FAM117B: variants seen among roughly 807,000 people sequenced by gnomAD.
FAM117B encodes family with sequence similarity 117 member B, also known as protein FAM117B.
FAM117B carries 22 observed loss-of-function variants against 52.8 expected under a neutral mutation model. The ratio of observed to expected loss-of-function variants is 0.42; its 90% confidence interval spans 0.30 to 0.59. FAM117B has a LOEUF of 0.59. FAM117B is among the 20% of genes least tolerant of loss of function. The pLI is 0.22. For synonymous variants in FAM117B, 309 were observed against 324.1 expected, an observed-to-expected ratio of 0.95 and a Z score of 0.50; for missense variants, 678 against 802.6, an observed-to-expected ratio of 0.84 and a Z score of 1.88.
At chr2:202,734,993 T>C (rs140905767) in intron 4 of FAM117B, among the ~76,000 whole-genome samples, 321 of 152,340 alleles carry the variant, frequency 2.1e-3, no homozygotes, top group African/African-American at 7.3e-3. Flanking sequence ...CCCCTATTGC[T>C]GACATTTTTT....
rs903842277 is a variant in FAM117B, at chr2:202,698,560, C to T, written c.753+2528C>T. ...GTTTCAGCCTCCCAAGTAGCTGGGA[C>T]TACAAGCGCACGCCACCACGCCTGG... On this transcript the variant is annotated intron_variant, in intron 2 of 7. Coordinates refer to ENST00000392238, the MANE Select transcript of FAM117B (RefSeq NM_173511.4). Among the ~76,000 whole-genome samples the T allele has an allele frequency of 3.3e-5, 5 of 152,152 alleles. No homozygotes were observed. The South Asian group carries it at 1.0e-3, about 32-fold the overall frequency.
intron 4 of FAM117B, among the ~76,000 whole-genome samples, chr2:202,730,508 A>G (rs1485742786): frequency 6.6e-6 from 1 of 152,054 alleles, no homozygotes; most frequent in Non-Finnish European, 1.5e-5. Flanking sequence ...CCTCTCTACT[A>G]AAAACACAAA....
chr2:202,665,961 A>T (rs1690199658), intron 1 of FAM117B, among the ~76,000 whole-genome samples: 1 of 152,254 alleles, frequency 6.6e-6, no homozygotes, highest in Non-Finnish European at 1.5e-5. Context: ...CTAAGAAACT[A>T]ATACAAACCA....
chr2:202,742,255 G>A (rs1559113750), intron 4 of FAM117B, among the ~76,000 whole-genome samples: 1 of 152,158 alleles, frequency 6.6e-6, no homozygotes, highest in African/African-American at 2.4e-5. Flanking sequence ...GCTGTGAAAA[G>A]GAAAAACTAT....
At chr2:202,727,083 T>C (rs757310978) in intron 4 of FAM117B, among the ~76,000 whole-genome samples, 7 of 152,040 alleles carry the variant, frequency 4.6e-5, no homozygotes, top group Non-Finnish European at 7.4e-5. Context: ...TGAATTGAAA[T>C]TGGATGAGAT....
At chr2:202,731,620 C>T (rs191790323) in intron 4 of FAM117B, among the ~76,000 whole-genome samples, 8 of 151,162 alleles carry the variant, frequency 5.3e-5, no homozygotes, top group Admixed American at 3.3e-4. Context: ...TTAGTAAATA[C>T]AGGGTTTTAC....
At position 202,736,931 on chromosome 2, in the gene FAM117B, A is replaced by G. The variant is rs912966199; in HGVS notation, c.960+10568A>G. 3.9e-5 allele frequency among the ~76,000 whole-genome samples: 6 copies of G among 152,262 alleles called. No individual in the cohort carries two copies. In the East Asian group the frequency reaches 1.2e-3, roughly 29 times the overall value. ...TTTCATAAAAAAAAAAATTAATGCTATATCTCTTTCCCCTACTCAGCTACT... is the reference window on the plus strand; with the variant it reads ...TTTCATAAAAAAAAAAATTAATGCTGTATCTCTTTCCCCTACTCAGCTACT... On this transcript the variant is annotated intron_variant, in intron 4 of 7. Transcript: ENST00000392238.
At chr2:202,719,517 A>G (rs896241420) in intron 2 of FAM117B, among the ~76,000 whole-genome samples, 19 of 152,342 alleles carry the variant, frequency 1.2e-4, no homozygotes, top group Admixed American at 6.5e-4. Context: ...GTCTGTATGT[A>G]CAATTATGTT....
At chr2:202,743,301 A>G (rs1259190973) in intron 4 of FAM117B, among the ~76,000 whole-genome samples, 3 of 152,194 alleles carry the variant, frequency 2.0e-5, no homozygotes, top group African/African-American at 7.2e-5. Context: ...GATTATGGCC[A>G]AAGAAATCAT....
intron 1 of FAM117B, among the ~76,000 whole-genome samples, chr2:202,686,258 A>G (rs937332485): frequency 3.3e-5 from 5 of 152,210 alleles, no homozygotes; most frequent in Non-Finnish European, 5.9e-5. Flanking sequence ...AAGTATGACA[A>G]TGCCAGATGT....
Position 202,646,622 on chromosome 2 carries a change from C to G in FAM117B, c.601+10834C>G, listed in dbSNP as rs575944488. 1.1e-4 allele frequency among the ~76,000 whole-genome samples: 17 copies of G among 152,238 alleles called. 1 individual carries two copies. The highest frequency in any genetic ancestry group is 1.1e-3 in the Admixed American group (17 of 15,278). The stretch of plus-strand genomic sequence containing the variant: ...CTCAGGGAACCCAGGCATTTGTCAC[C>G]AGGAAGTTGAGATATATTGCTCTAG... On this transcript the variant is annotated intron_variant, in intron 1 of 7. Transcript: ENST00000392238.
intron 1 of FAM117B, among the ~76,000 whole-genome samples, chr2:202,660,388 G>C (rs1204043408): frequency 6.6e-6 from 1 of 152,068 alleles, no homozygotes; most frequent in Non-Finnish European, 1.5e-5. Flanking sequence ...TGGTTCTAAT[G>C]TCAATTTACT....
chr2:202,723,646 AATTT>A (rs1691185900), intron 2 of FAM117B, among the ~76,000 whole-genome samples: 1 of 152,204 alleles, frequency 6.6e-6, no homozygotes, highest in African/African-American at 2.4e-5. Context: ...GGTATACCAT[AATTT>A]ATTTAGCCAA....
At chr2:202,735,308 A>T (rs1437616156) in intron 4 of FAM117B, among the ~76,000 whole-genome samples, 1 of 152,130 alleles carries the variant, frequency 6.6e-6, no homozygotes, top group Non-Finnish European at 1.5e-5. Context: ...TTTACAAGTT[A>T]TTACAGTATT....
At chr2:202,681,875 G>A (rs1024666545) in intron 1 of FAM117B, among the ~76,000 whole-genome samples, 3 of 152,214 alleles carry the variant, frequency 2.0e-5, no homozygotes, top group African/African-American at 7.2e-5. Flanking sequence ...TGACATCCCT[G>A]TTTGTCCGGT....
At chr2:202,657,294 A>AC (rs1417066410) in intron 1 of FAM117B, among the ~76,000 whole-genome samples, 1 of 151,876 alleles carries the variant, frequency 6.6e-6, no homozygotes, top group Non-Finnish European at 1.5e-5. Flanking sequence ...CACCATGTTG[A>AC]CCAGGCTGGT....
intron 1 of FAM117B, among the ~76,000 whole-genome samples, chr2:202,679,654 C>G (rs532265347): frequency 5.3e-5 from 8 of 152,252 alleles, no homozygotes; most frequent in Admixed American, 1.3e-4. Flanking sequence ...CTAAATTAGC[C>G]TAGAGTAAAG....
chr2:202,655,751 A>T lies in FAM117B; in HGVS notation c.601+19963A>T, dbSNP rs1017383704. Among the ~76,000 whole-genome samples the T allele has an allele frequency of 5.2e-3, 690 of 131,884 alleles. 6 individuals carry two copies. Among genetic ancestry groups the T allele is most frequent in the African/African-American group, 0.025 (659 of 26,786 alleles). The allele number at this position is 131,884 out of a possible 152,430, so 86.5% of individuals were successfully genotyped here. On this transcript the variant is annotated intron_variant, in intron 1 of 7. Coordinates refer to ENST00000392238, the MANE Select transcript of FAM117B (RefSeq NM_173511.4). ...GAGAGAGAGAGAGAGAGAGAGAGAG[A>T]GAGAGAGAGAGTGTGTGTGTGTGTG... is the stretch of plus-strand genomic sequence containing the variant.
chr2:202,678,561 G>C (rs1283988005), intron 1 of FAM117B, among the ~76,000 whole-genome samples: 1 of 152,070 alleles, frequency 6.6e-6, no homozygotes, highest in Non-Finnish European at 1.5e-5. Context: ...AGTGGATCCA[G>C]TGTTTTTTTT....
Sources: gnomAD v4.1 joint callset for allele counts (sites outside exome capture counted in the v4.1 genomes callset) on GRCh38, gnomAD v4.1.1 for gene constraint, MANE v1.5 for transcripts, NCBI Gene and HGNC (gene_info 2026-07-23, HGNC 2026-07-21) for gene names.